Variants in RPAIN observed in about 807,000 individuals in gnomAD.
RPAIN encodes the protein RPA interacting protein.
A neutral mutation model predicts 30.5 loss-of-function variants in RPAIN; 29 were observed. That is an observed-to-expected ratio of 0.95 (90% CI 0.71 to 1.30). RPAIN has a LOEUF of 1.30. RPAIN is among the 50% of genes most tolerant of loss of function. The probability of loss-of-function intolerance (pLI) is 0.00; values close to 1 mark genes in which losing one functional copy is unlikely to be tolerated. For synonymous variants in RPAIN, 101 were observed against 93.5 expected (o/e 1.08, Z -0.46); for missense variants, 247 against 264.7 (o/e 0.93, Z 0.46).
chr17:5,420,452 C>T (rs553446417), intron 1 of RPAIN, among the ~76,000 whole-genome samples, 161 bp downstream of exon 1: 5 of 152,190 alleles, frequency 3.3e-5, no homozygotes, highest in African/African-American at 1.2e-4. Flanking sequence ...TAGCCCGGGT[C>T]GGTCAAGTCC....
At chr17:5,421,252 G>T in intron 1 of RPAIN, 44 bp from the exon 2 acceptor site, 3 of 1,547,386 alleles carry the variant, frequency 1.9e-6, no homozygotes, top group Non-Finnish European at 2.6e-6. Context: ...TTTAAAAATA[G>T]AAATGCTTTT....
intron 6 of RPAIN, chr17:5,431,998 T>C (rs1327850990): frequency 7.2e-6 from 2 of 275,924 alleles, no homozygotes; most frequent in Non-Finnish European, 1.4e-5. Context: ...CTGGCATAAA[T>C]GGGTTAAGGA....
At chr17:5,432,440 ACCT>A in intron 6 of RPAIN, 99 bp from the exon 7 acceptor site, 1 of 1,074,578 alleles carries the variant, frequency 9.3e-7, no homozygotes, top group Non-Finnish European at 1.4e-6. Context: ...GACTCAGGAG[ACCT>A]CATCTAATGT....
intron 6 of RPAIN, chr17:5,428,464 G>C: frequency 7.0e-7 from 1 of 1,430,610 alleles, no homozygotes; most frequent in Non-Finnish European, 9.1e-7. Flanking sequence ...CTCCACACCT[G>C]CTCTTCTTTG....
At chr17:5,427,982 C>T (rs1233167262) in intron 5 of RPAIN, 89 bp from the exon 6 acceptor site, 58 of 1,312,198 alleles carry the variant, frequency 4.4e-5, no homozygotes, top group African/African-American at 5.8e-5. Context: ...CAGTGAGCCA[C>T]GGTTATATTG....
Position 5,432,814 on chromosome 17 carries a change from T to C in RPAIN, c.*243T>C, listed in dbSNP as rs887855092. 4.7e-6 allele frequency: 4 copies of C among 853,318 alleles called. No homozygotes were observed. The African/African-American group carries it at 5.1e-5, about 11-fold the overall frequency. The allele number at this position is 853,318 out of a possible 1,614,324, so 52.9% of individuals were successfully genotyped here. A position where few individuals can be genotyped will look rare whatever the true frequency, so the allele number is the denominator to read the frequency against. The stretch of plus-strand genomic sequence containing the variant: ...AACCAATTTTATGTCTATCATGTTA[T>C]ACAAAAATCTAGAAATAATAGATTT... On this transcript the variant is annotated 3_prime_UTR_variant, in exon 7 of 7. Transcript: ENST00000381209.
chr17:5,426,159 T>G, intron 4 of RPAIN, 77 bp downstream of exon 4: 2 of 1,565,236 alleles, frequency 1.3e-6, no homozygotes, highest in Non-Finnish European at 1.8e-6. Flanking sequence ...TCCCCCCAGA[T>G]TTGTTGCCTG....
chr17:5,431,207 C>T (rs1915880562), intron 6 of RPAIN: 1 of 333,622 alleles, frequency 3.0e-6, no homozygotes, highest in Non-Finnish European at 5.8e-6. Context: ...AGAAACACAG[C>T]CAGGCACTGT....
At chr17:5,423,332 T>G (rs1915056494) in intron 3 of RPAIN, among the ~76,000 whole-genome samples, 1 of 145,914 alleles carries the variant, frequency 6.9e-6, no homozygotes, top group East Asian at 2.0e-4. Flanking sequence ...CATAACAAGA[T>G]CCTGTCTCTA....
chr17:5,432,161 T>G, intron 6 of RPAIN: 1 of 246,492 alleles, frequency 4.1e-6, no homozygotes, highest in Admixed American at 4.9e-5. Context: ...CATACCTGCT[T>G]CAATCTTGTG....
At chr17:5,421,594 C>T in intron 2 of RPAIN, 128 bp downstream of exon 2, 1 of 766,466 alleles carries the variant, frequency 1.3e-6, no homozygotes, top group Non-Finnish European at 2.0e-6. Flanking sequence ...AATTCAACAG[C>T]CTTTAACCCA....
chr17:5,420,329 G>A (rs747666907), intron 1 of RPAIN, 38 bp downstream of exon 1: 36 of 1,567,658 alleles, frequency 2.3e-5, no homozygotes, highest in Middle Eastern at 3.7e-4. Flanking sequence ...ACCCTAGATC[G>A]TCCCGGTGAC....
rs908556488 is a variant in RPAIN at position 5,429,201 on chromosome 17, G to C, written c.630+990G>C. ...GGAGGGCTTATGGGAGTTCAGAGGA[G>C]GGTGATCTCCTTTATGGTGACACCT... On this transcript the variant is annotated intron_variant, in intron 6 of 6. Coordinates refer to ENST00000381209, the MANE Select transcript of RPAIN (RefSeq NM_001033002.4). The C allele has an allele frequency of 2.3e-5, 23 of 984,724 alleles. No individual in the cohort carries two copies. In the African/African-American group the frequency reaches 3.8e-4, roughly 16 times the overall value. The allele number at this position is 984,724 out of a possible 1,614,324, so 61.0% of individuals were successfully genotyped here.
At chr17:5,427,904 T>G in intron 5 of RPAIN, 167 bp from the exon 6 acceptor site, 1 of 683,396 alleles carries the variant, frequency 1.5e-6, no homozygotes, top group Middle Eastern at 4.2e-4. Context: ...TAAATGGAGA[T>G]GGGTTAAGAG....
rs984919533 is a variant in RPAIN, at chr17:5,426,251, C to T, written c.441C>T (p.Ile147=). ...CTGCTTCTAGGTACAACCTGAGAAT[C>T]ACAAGCGGTGTGGTGGTGTGTCAGT... ...CPVCTKYNLR[I]TSGVVVCQCG... is the part of the protein sequence containing the mutation. The change falls in exon 5 of 7, where the codon ATC becomes ATT. Residue 147 remains isoleucine, a synonymous_variant. Transcript: ENST00000381209. 24 of 1,614,072 alleles carry T rather than the reference C, an allele frequency of 1.5e-5. No homozygotes were observed. The highest frequency in any genetic ancestry group is 1.9e-5 in the Non-Finnish European group (23 of 1,180,008).
In RPAIN at chr17:5,432,549, A is replaced by G. The variant is rs755209063; in HGVS notation, c.638A>G (p.Asp213Gly). The change falls in exon 7 of 7, where the codon GAT becomes GGT. Residue 213 changes from aspartate to glycine, a missense_variant. Coordinates refer to ENST00000381209, the MANE Select transcript of RPAIN (RefSeq NM_001033002.4). ...SSLLMSCLACDTWAVIL is the reference protein window; with the variant it reads ...SSLLMSCLACGTWAVIL ...TTTCCTGTTTAAACCTAGGCCTGTG[A>G]TACTTGGGCTGTGATCCTCTAGAGC... The G allele has an allele frequency of 1.2e-6, 2 of 1,613,878 alleles. No homozygotes were observed. The highest frequency in any genetic ancestry group is 1.7e-6 in the Non-Finnish European group (2 of 1,179,746).
chr17:5,432,644 A>G lies in RPAIN; in HGVS notation c.*73A>G. ...CCCTCTGAGGAGCCTTGTACATACA[A>G]GCCTTTTATTTATAACTTATTTTGT... On this transcript the variant is annotated 3_prime_UTR_variant, in exon 7 of 7. Transcript: ENST00000381209. 7.4e-7 allele frequency: 1 copy of G among 1,352,858 alleles called. No homozygotes were observed. Among genetic ancestry groups the G allele is most frequent in the East Asian group, 2.3e-5 (1 of 43,580 alleles). The allele number at this position is 1,352,858 out of a possible 1,614,324, so 83.8% of individuals were successfully genotyped here. A position where few individuals can be genotyped will look rare whatever the true frequency, so the allele number is the denominator to read the frequency against.
chr17:5,431,186 C>G (rs142567534), intron 6 of RPAIN: 153 of 326,348 alleles, frequency 4.7e-4, no homozygotes, highest in African/African-American at 3.2e-3. Context: ...GTGGGGGTCA[C>G]AGCAAATATG....
chr17:5,431,513 AG>A (rs2151673184), intron 6 of RPAIN: 1 of 424,794 alleles, frequency 2.4e-6, no homozygotes, highest in South Asian at 1.7e-5. Flanking sequence ...GGAGGGGGAA[AG>A]ACAAAATTGT....
Sources: allele counts gnomAD v4.1 joint callset (sites outside exome capture counted in the v4.1 genomes callset), GRCh38; gene constraint gnomAD v4.1.1; transcripts MANE v1.5; gene names NCBI Gene and HGNC (gene_info 2026-07-23, HGNC 2026-07-21).